The following NLRP11 variants were observed in gnomAD, a reference collection of about 807,000 sequenced individuals.
The protein encoded by NLRP11 is NLR family pyrin domain containing 11.
A neutral mutation model predicts 79.3 loss-of-function variants in NLRP11; 53 were observed. The ratio of observed to expected loss-of-function variants is 0.67; its 90% confidence interval spans 0.54 to 0.84. The LOEUF (loss-of-function observed/expected upper bound fraction) is 0.84. NLRP11 is among the 40% of genes least tolerant of loss of function. The pLI is 0.00. For synonymous variants in NLRP11, 518 were observed against 462.6 expected (o/e 1.12, Z -1.54); for missense variants, 1,264 against 1,255.0 (o/e 1.01, Z -0.11).
intron 2 of NLRP11, among the ~76,000 whole-genome samples, chr19:55,811,483 G>C (rs572053979): frequency 2.0e-5 from 3 of 152,130 alleles, no homozygotes; most frequent in Non-Finnish European, 4.4e-5. Context: ...CTGCAGCAGG[G>C]CTGGTGTGGT....
intron 1 of NLRP11, among the ~76,000 whole-genome samples, chr19:55,823,495 AAAG>A (rs1251117660): frequency 7.2e-6 from 1 of 138,076 alleles, no homozygotes; most frequent in Non-Finnish European, 1.5e-5. Flanking sequence ...AACCAAAGGC[AAAG>A]AAGTTGAAAA....
At chr19:55,792,135 A>G (rs1371272101) in intron 7 of NLRP11, among the ~76,000 whole-genome samples, 166 bp downstream of exon 7, 1 of 152,154 alleles carries the variant, frequency 6.6e-6, no homozygotes, top group Non-Finnish European at 1.5e-5. Context: ...GGTTTTGCCA[A>G]TGAATCTTAC....
chr19:55,809,493 A>G lies in NLRP11; in HGVS notation c.1117T>C (p.Phe373Leu). ...TCTGATGTCAACGCATCAGCAAGAA[A>G]GTGGGCATGTAGATCAGTGGGTGTT... is the stretch of plus-strand genomic sequence containing the variant. The change falls in exon 3 of 10, where the codon TTT (phenylalanine) becomes CTT (leucine). Residue 373 changes from phenylalanine to leucine, a missense_variant. Transcript: ENST00000589093. This position sits in a 1 kb window ranked among gnomAD's most constrained non-coding sequence, Gnocchi z 4.5. 1 of 1,614,172 alleles carries G rather than the reference A, an allele frequency of 6.2e-7. No homozygotes were observed. Among genetic ancestry groups the G allele is most frequent in the Admixed American group, 1.7e-5 (1 of 60,014 alleles).
rs554664640 is a variant in NLRP11 at position 55,796,850 on chromosome 19, G to A, written c.2172-600C>T. On this transcript the variant is annotated intron_variant, in intron 5 of 9. Coordinates refer to ENST00000589093, the Ensembl canonical transcript of NLRP11. ...ATTACAGGCATGCGTTACCACACCC[G>A]GCTAATGTTTGTATTTTTAGTAGAC... 9.9e-5 allele frequency among the ~76,000 whole-genome samples: 15 copies of A among 152,096 alleles called. No individual in the cohort carries two copies. In the East Asian group the frequency reaches 1.9e-3, roughly 20 times the overall value.
At chr19:55,815,935 T>C (rs1410964526) in intron 2 of NLRP11, among the ~76,000 whole-genome samples, 1 of 148,194 alleles carries the variant, frequency 6.7e-6, no homozygotes, top group East Asian at 2.0e-4. Context: ...ATAGTCGAGG[T>C]TATGAGCCTT....
At chr19:55,791,303 T>C (rs1568627035) in intron 7 of NLRP11, among the ~76,000 whole-genome samples, 1 of 152,200 alleles carries the variant, frequency 6.6e-6, no homozygotes, top group Non-Finnish European at 1.5e-5. Context: ...GTGAGTTATA[T>C]TATTTTCCCC....
At chr19:55,791,082 C>T (rs1990206458) in intron 7 of NLRP11, among the ~76,000 whole-genome samples, 1 of 152,188 alleles carries the variant, frequency 6.6e-6, no homozygotes, top group Non-Finnish European at 1.5e-5. Context: ...TTTATTGGAA[C>T]ATAGCCACAC....
intron 1 of NLRP11, among the ~76,000 whole-genome samples, chr19:55,822,971 A>C (rs4548988): frequency 4.0e-5 from 6 of 150,376 alleles, no homozygotes; most frequent in African/African-American, 4.9e-5. Flanking sequence ...GGCACAGACA[A>C]ACAAAAAGAC....
chr19:55,807,908 C>T, exon 4 of NLRP11: 4 of 1,612,920 alleles, frequency 2.5e-6, no homozygotes, highest in Non-Finnish European at 2.5e-6. Context: ...AGAATCCTTT[C>T]TGAAATACCA....
intron 1 of NLRP11, among the ~76,000 whole-genome samples, chr19:55,819,413 C>T (rs1981470506): frequency 6.6e-6 from 1 of 152,194 alleles, no homozygotes; most frequent in Admixed American, 6.5e-5. Context: ...CCTCCCACAC[C>T]TGTCAGTTTC....
intron 4 of NLRP11, among the ~76,000 whole-genome samples, chr19:55,803,400 G>A (rs1979672449): frequency 1.3e-5 from 2 of 152,154 alleles, no homozygotes; most frequent in African/African-American, 4.8e-5. Context: ...ACATAGGAAT[G>A]GGCAAAGATT....
At chr19:55,836,353 C>T (rs1026711977), upstream of NLRP11, 2 of 152,072 alleles carry the variant, frequency 1.3e-5, no homozygotes, top group African/African-American at 2.4e-5. Context: ...TTGAAATATC[C>T]CCCGCTCTAT....
intron 2 of NLRP11, among the ~76,000 whole-genome samples, chr19:55,811,999 G>T (rs962177693): frequency 8.0e-6 from 1 of 125,590 alleles, no homozygotes; most frequent in African/African-American, 3.4e-5. Flanking sequence ...ACACACACAC[G>T]TAAGAGAATA....
chr19:55,786,473 A>G lies in NLRP11; in HGVS notation c.2856-602T>C, dbSNP rs1210284043. Among the ~76,000 whole-genome samples, 5 of 152,230 alleles carry G rather than the reference A, an allele frequency of 3.3e-5. No individual in the cohort carries two copies. The East Asian group carries it at 7.7e-4, about 24-fold the overall frequency. Reference sequence around the variant, plus strand: ...GAGGTCAAGGCTGCAGTGAGCCATGATCACACCACTGCTCTCCAGCCTGAG... The same window carrying G: ...GAGGTCAAGGCTGCAGTGAGCCATGGTCACACCACTGCTCTCCAGCCTGAG... On this transcript the variant is annotated intron_variant, in intron 9 of 9. Transcript: ENST00000589093.
chr19:55,813,604 C>T (rs1980813713), intron 2 of NLRP11, among the ~76,000 whole-genome samples: 1 of 152,178 alleles, frequency 6.6e-6, no homozygotes, highest in Non-Finnish European at 1.5e-5. Context: ...ATCTGATATT[C>T]TCTTAAATAT....
intron 6 of NLRP11, among the ~76,000 whole-genome samples, chr19:55,794,556 C>G (rs1056554233): frequency 6.6e-6 from 1 of 152,036 alleles, no homozygotes; most frequent in African/African-American, 2.4e-5. Flanking sequence ...GTCAGGAGAT[C>G]GAGACCATCC....
intron 2 of NLRP11, among the ~76,000 whole-genome samples, chr19:55,811,876 G>A (rs892871621): frequency 5.3e-5 from 8 of 151,728 alleles, no homozygotes; most frequent in East Asian, 1.9e-4. Flanking sequence ...TATTAGTTCC[G>A]TATCATACAT....
At chr19:55,788,585 A>G (rs1028601970) in intron 9 of NLRP11, among the ~76,000 whole-genome samples, 8 of 151,414 alleles carry the variant, frequency 5.3e-5, no homozygotes, top group Admixed American at 3.9e-4. Flanking sequence ...CTAAAAATAG[A>G]AAAAATTAGC....
At position 55,792,192 on chromosome 19, in the gene NLRP11, C is replaced by G. The variant is rs1223168214; in HGVS notation, c.2513+109G>C. The stretch of plus-strand genomic sequence containing the variant: ...CTGGGGAGCCCATGCTCCCGTACCC[C>G]TATCACCCATGATGCCATCACTGGA... On this transcript the variant is annotated intron_variant, in intron 7 of 9. Coordinates refer to ENST00000589093, the Ensembl canonical transcript of NLRP11. 4.3e-6 allele frequency: 4 copies of G among 934,352 alleles called. No homozygotes were observed. In the African/African-American group the frequency reaches 6.5e-5, roughly 15 times the overall value. The allele number at this position is 934,352 out of a possible 1,614,324, so 57.9% of individuals were successfully genotyped here.
Sources: allele counts gnomAD v4.1 joint callset (sites outside exome capture counted in the v4.1 genomes callset), GRCh38; gene constraint gnomAD v4.1.1; non-coding constraint Gnocchi (gnomAD v3.1); transcripts MANE v1.5; gene names NCBI Gene and HGNC (gene_info 2026-07-23, HGNC 2026-07-21).